The following CEBPZ variants were observed in gnomAD, a reference collection of about 807,000 sequenced individuals.
The protein encoded by CEBPZ is CCAAT/enhancer-binding protein zeta.
A neutral mutation model predicts 104.5 loss-of-function variants in CEBPZ; 78 were observed. That is an observed-to-expected ratio of 0.75 (90% CI 0.62 to 0.90). The LOEUF is 0.90. Ranked by LOEUF, CEBPZ falls within the 40% of genes least tolerant of loss-of-function variation. The probability of loss-of-function intolerance (pLI) is 0.00; values close to 1 mark genes in which losing one functional copy is unlikely to be tolerated. For synonymous variants in CEBPZ, 470 were observed against 427.0 expected (o/e 1.10, Z -1.24); for missense variants, 1,439 against 1,233.5 (o/e 1.17, Z -2.50).
In CEBPZ at chr2:37,228,171, T is replaced by C; in HGVS notation, c.1022A>G (p.His341Arg). 6.2e-7 allele frequency: 1 copy of C among 1,614,230 alleles called. No individual in the cohort carries two copies. Among genetic ancestry groups the C allele is most frequent in the Non-Finnish European group, 8.5e-7 (1 of 1,180,042 alleles). ...ILWYFEHQLK[H>R]LVAEFVQVLE... The stretch of plus-strand genomic sequence containing the variant: ...GACCTGCACAAATTCAGCCACTAAG[T>C]GTTTCAGCTGGTGTTCAAAATACCA... The change falls in exon 2 of 16, where the codon CAC becomes CGC. Residue 341 changes from histidine to arginine, a missense_variant. His to Arg is a conservative substitution (Grantham distance 29, BLOSUM62 0). Coordinates refer to ENST00000234170, the MANE Select transcript of CEBPZ (RefSeq NM_005760.3).
rs1350127745 is a variant in CEBPZ at position 37,211,946 on chromosome 2, A to G, written c.2697T>C (p.Asp899=). The part of the protein sequence containing the change: ...SDDELGNLDD[D]EVSLGSMDDE... ...CATCCATACTTCCTAAAGAAACTTCATCGTCATCCAGGTTACCAAGTTCAT... is the reference window on the plus strand; with the variant it reads ...CATCCATACTTCCTAAAGAAACTTCGTCGTCATCCAGGTTACCAAGTTCAT... Residue 899 remains aspartate, a synonymous_variant, in exon 12 of 16, where the codon GAT becomes GAC. Transcript: ENST00000234170. 4 of 1,613,842 alleles carry G rather than the reference A, an allele frequency of 2.5e-6. No homozygotes were observed. The South Asian group carries it at 3.3e-5, about 13-fold the overall frequency.
At chr2:37,226,638 A>G (rs772024966) in intron 2 of CEBPZ, among the ~76,000 whole-genome samples, 5 of 152,210 alleles carry the variant, frequency 3.3e-5, no homozygotes, top group Non-Finnish European at 7.4e-5. Flanking sequence ...AATTTGCCCA[A>G]AATTACACAG....
chr2:37,220,632 C>T (rs1442681045), intron 4 of CEBPZ, among the ~76,000 whole-genome samples, 159 bp from the exon 5 acceptor site: 1 of 152,154 alleles, frequency 6.6e-6, no homozygotes, highest in Non-Finnish European at 1.5e-5. Flanking sequence ...AAGAATTTGT[C>T]TTGGTACTTA....
chr2:37,228,197 T>C lies in CEBPZ; in HGVS notation c.996A>G (p.Leu332=). Residue 332 remains leucine (L), a synonymous_variant, in exon 2 of 16, where the codon TTA becomes TTG. Coordinates refer to ENST00000234170, the MANE Select transcript of CEBPZ (RefSeq NM_005760.3). ...NKDSRDRRLI[L]WYFEHQLKHL... is the part of the protein sequence containing the mutation. ...GTTTCAGCTGGTGTTCAAAATACCA[T>C]AATATCAGTCTTCTATCTCTTGAGT... 2 of 1,614,226 alleles carry C rather than the reference T, an allele frequency of 1.2e-6. No homozygotes were observed. The highest frequency in any genetic ancestry group is 1.6e-4 in the Middle Eastern group (1 of 6,062).
Position 37,211,902 on chromosome 2 carries a change from A to G in CEBPZ, c.2741T>C (p.Val914Ala), listed in dbSNP as rs764979950. 1 of 1,612,548 alleles carries G rather than the reference A, an allele frequency of 6.2e-7. No individual in the cohort carries two copies. The highest frequency in any genetic ancestry group is 8.5e-7 in the Non-Finnish European group (1 of 1,179,570). The change falls in exon 12 of 16, where the codon GTT (valine) becomes GCT (alanine). Residue 914 changes from valine to alanine, a missense_variant. Coordinates refer to ENST00000234170, the MANE Select transcript of CEBPZ (RefSeq NM_005760.3). ...GSMDDEEFAE[V>A]DEDGGTFMDV... ...CATGAATGTTCCTCCATCTTCATCAACTTCAGCAAATTCTTCATCATCCAT... is the reference window on the plus strand; with the variant it reads ...CATGAATGTTCCTCCATCTTCATCAGCTTCAGCAAATTCTTCATCATCCAT...
intron 15 of CEBPZ, chr2:37,202,239 GT>G (rs763186990): frequency 9.0e-3 from 1,279 of 142,298 alleles, no homozygotes; most frequent in Non-Finnish European, 0.012. Flanking sequence ...AGTCTGCAAG[GT>G]TTTTTTTTTT....
At chr2:37,230,739 T>C (rs1665050364) in intron 1 of CEBPZ, among the ~76,000 whole-genome samples, 1 of 152,194 alleles carries the variant, frequency 6.6e-6, no homozygotes. Flanking sequence ...TTTTGGCTGC[T>C]CATGGAATAG....
rs143136564 is a variant in CEBPZ, at chr2:37,202,880, C to T, written c.2944-15G>A. The stretch of plus-strand genomic sequence containing the variant: ...AGATGGCCAAACTTTTAAACAAAAA[C>T]GATAAATTTATTAGAAAACTAAAAA... On this transcript the variant is annotated splice_polypyrimidine_tract_variant and intron_variant, in intron 14 of 15. Transcript: ENST00000234170. 2.1e-4 allele frequency: 331 copies of T among 1,593,796 alleles called. 1 individual carries two copies. The African/African-American group carries it at 3.6e-3, about 17-fold the overall frequency.
intron 1 of CEBPZ, among the ~76,000 whole-genome samples, chr2:37,230,757 A>T (rs1665051947): frequency 1.3e-5 from 2 of 151,840 alleles, no homozygotes; most frequent in South Asian, 2.1e-4. Context: ...TAGGTTAGGC[A>T]CTCTTCTGCC....
chr2:37,230,054 G>A (rs1462901838), intron 1 of CEBPZ, among the ~76,000 whole-genome samples: 1 of 152,008 alleles, frequency 6.6e-6, no homozygotes, highest in East Asian at 1.9e-4. Flanking sequence ...CACGATTAAG[G>A]TTATTAACTG....
Position 37,211,842 on chromosome 2 carries a change from C to T in CEBPZ, c.2800+1G>A, listed in dbSNP as rs752013781. On this transcript the variant is annotated splice_donor_variant, in intron 12 of 15. Transcript: ENST00000234170. LOFTEE classifies it high-confidence loss of function. ...TATGTCTTATTTTAAAAAATGCTTA[C>T]CTGGAACGCTCTCACTTTCATCATC... 1.3e-6 allele frequency: 2 copies of T among 1,586,136 alleles called. No homozygotes were observed. Among genetic ancestry groups the T allele is most frequent in the South Asian group, 2.3e-5 (2 of 85,882 alleles).
At chr2:37,215,906 T>C (rs1283771735) in intron 8 of CEBPZ, among the ~76,000 whole-genome samples, 1 of 151,350 alleles carries the variant, frequency 6.6e-6, no homozygotes, top group Non-Finnish European at 1.5e-5. Context: ...TTCATCATAC[T>C]ATTTTGTTTA....
At chr2:37,214,789 A>T in intron 9 of CEBPZ, 97 bp downstream of exon 9, 1 of 744,212 alleles carries the variant, frequency 1.3e-6, no homozygotes, top group Non-Finnish European at 2.3e-6. Flanking sequence ...GTAGTAGATT[A>T]TTGAAGTAGA....
rs186132001 is a variant in CEBPZ at position 37,228,288 on chromosome 2, C to G, written c.905G>C (p.Arg302Pro). ...ACGCTGGCTGAAAATCCTCAGCTTC[C>G]GATTGTCTGGCAAAAGGTCTGTGAT... ...LLITDLLPDNRKLRIFSQRPF... is the reference protein window; with the variant it reads ...LLITDLLPDNPKLRIFSQRPF... Residue 302 changes from arginine to proline, a missense_variant, in exon 2 of 16, where the codon CGG becomes CCG. Arg to Pro is a moderately radical substitution (Grantham distance 103). Transcript: ENST00000234170. 6.2e-7 allele frequency: 1 copy of G among 1,614,126 alleles called. No homozygotes were observed. Among genetic ancestry groups the G allele is most frequent in the Middle Eastern group, 1.6e-4 (1 of 6,062 alleles).
intron 13 of CEBPZ, chr2:37,203,817 TCTGA>T (rs1677406432): frequency 6.6e-6 from 1 of 152,218 alleles, no homozygotes; most frequent in Non-Finnish European, 1.5e-5. Flanking sequence ...GTTTCCTATA[TCTGA>T]CTTTTTTCAT....
intron 13 of CEBPZ, chr2:37,210,189 T>C (rs1030553827): frequency 1.3e-5 from 2 of 152,172 alleles, no homozygotes; most frequent in African/African-American, 4.8e-5. Context: ...GAATGTAAAC[T>C]AGTACAACCA....
chr2:37,210,486 C>T (rs892042787), intron 13 of CEBPZ: 1 of 152,270 alleles, frequency 6.6e-6, no homozygotes, highest in African/African-American at 2.4e-5. Context: ...CTGAATACAG[C>T]TGGAGACCAT....
At chr2:37,206,968 T>C (rs1273211670) in intron 13 of CEBPZ, among the ~76,000 whole-genome samples, 1 of 152,064 alleles carries the variant, frequency 6.6e-6, no homozygotes, top group East Asian at 1.9e-4. Flanking sequence ...AGATATTCCA[T>C]GCAAATGGAA....
rs747906740 is a variant in CEBPZ at position 37,231,286 on chromosome 2, C to T, written c.156+126G>A. 7 of 1,308,662 alleles carry T rather than the reference C, an allele frequency of 5.3e-6. No individual in the cohort carries two copies. The Admixed American group carries it at 9.1e-5, about 17-fold the overall frequency. The allele number at this position is 1,308,662 out of a possible 1,614,324, so 81.1% of individuals were successfully genotyped here. On this transcript the variant is annotated intron_variant, in intron 1 of 15. Coordinates refer to ENST00000234170, the MANE Select transcript of CEBPZ (RefSeq NM_005760.3). ...TGGGAAGCGCACCGAACACATGCTT[C>T]AGAGGCTGGGATCTCGGTCCTGGAC... is the stretch of plus-strand genomic sequence containing the variant.
Sources: gnomAD v4.1 joint callset for allele counts (sites outside exome capture counted in the v4.1 genomes callset) on GRCh38, gnomAD v4.1.1 for gene constraint, MANE v1.5 for transcripts, NCBI Gene and HGNC (gene_info 2026-07-23, HGNC 2026-07-21) for gene names.